The following CCDC30 variants were observed in gnomAD, a reference collection of about 807,000 sequenced individuals.
The protein encoded by CCDC30 is coiled-coil domain containing 30.
CCDC30 carries 70 observed loss-of-function variants against 100.2 expected under a neutral mutation model. That is an observed-to-expected ratio of 0.70 (90% CI 0.58 to 0.85). The LOEUF is 0.85. Ranked by LOEUF, CCDC30 falls within the 40% of genes least tolerant of loss-of-function variation. The pLI, the probability that CCDC30 is intolerant of heterozygous loss-of-function variation, is 0.00. For synonymous variants in CCDC30, 233 were observed against 269.5 expected (o/e 0.86, Z 1.33); for missense variants, 652 against 771.2 (o/e 0.85, Z 1.83).
intron 11 of CCDC30, among the ~76,000 whole-genome samples, chr1:42,634,419 C>G (rs924442408): frequency 6.6e-6 from 1 of 152,068 alleles, no homozygotes; most frequent in Non-Finnish European, 1.5e-5. Context: ...CACATTATAG[C>G]CTTCCACAGC....
At chr1:42,537,693 G>A (rs1644931331) in intron 6 of CCDC30, 1 of 175,718 alleles carries the variant, frequency 5.7e-6, no homozygotes, top group African/African-American at 2.4e-5. Context: ...ATTTAGGTTG[G>A]GCACGGTGGC....
chr1:42,529,308 C>A (rs1009866052), intron 6 of CCDC30, among the ~76,000 whole-genome samples: 7 of 152,072 alleles, frequency 4.6e-5, no homozygotes, highest in Non-Finnish European at 8.8e-5. Flanking sequence ...TACAAAAATA[C>A]TAAAAATACA....
chr1:42,535,728 A>ATATATATATTATATATATAT (rs1177599266), intron 6 of CCDC30, among the ~76,000 whole-genome samples: 100 of 109,510 alleles, frequency 9.1e-4, no homozygotes, highest in Non-Finnish European at 1.5e-3. Context: ...TAAATTTTAA[A>ATATATATATTATATATATAT]AAATTAAAAA....
chr1:42,528,935 A>G (rs1328535355), intron 6 of CCDC30, among the ~76,000 whole-genome samples: 2 of 152,230 alleles, frequency 1.3e-5, no homozygotes, highest in Admixed American at 6.5e-5. Context: ...AACGTTTAAC[A>G]TTAAGTACCA....
Position 42,596,860 on chromosome 1 carries a change from G to A in CCDC30, c.1164+7377G>A, listed in dbSNP as rs1269261453. 6.6e-6 allele frequency among the ~76,000 whole-genome samples: 1 copy of A among 152,144 alleles called. No homozygotes were observed. Among genetic ancestry groups the A allele is most frequent in the Non-Finnish European group, 1.5e-5 (1 of 68,042 alleles). On this transcript the variant is annotated intron_variant, in intron 10 of 16. Transcript: ENST00000668663. The surrounding 1 kb of genome is among the most constrained non-coding windows in gnomAD (Gnocchi z 4.3). ...GAAATTGAAAATAACTGTGATTAAT[G>A]TGCTAAGGGCTCTAAGGAATAAAGT...
At chr1:42,641,347 A>G (rs11804296) in intron 12 of CCDC30, among the ~76,000 whole-genome samples, 23,624 of 151,538 alleles carry the variant, frequency 0.16, 2,057 homozygotes, top group South Asian at 0.31. Flanking sequence ...CAGAGTGCTG[A>G]GATTACAGGT....
At chr1:42,527,303 A>C (rs185464264) in intron 6 of CCDC30, among the ~76,000 whole-genome samples, 56 of 152,326 alleles carry the variant, frequency 3.7e-4, no homozygotes, top group Admixed American at 7.2e-4. Flanking sequence ...TTTGTAACAC[A>C]GAAAGATGTG....
chr1:42,612,552 T>C (rs919290355), intron 11 of CCDC30, among the ~76,000 whole-genome samples: 3 of 152,196 alleles, frequency 2.0e-5, no homozygotes, highest in Non-Finnish European at 4.4e-5. Context: ...ACTTTTTATA[T>C]TCTGTTGTTC....
At chr1:42,648,552 C>T (rs1648076288) in intron 15 of CCDC30, among the ~76,000 whole-genome samples, 1 of 152,060 alleles carries the variant, frequency 6.6e-6, no homozygotes. Context: ...CACCTGTAAT[C>T]CCAGCTACTT....
Position 42,596,455 on chromosome 1 carries a change from G to A in CCDC30, c.1164+6972G>A, listed in dbSNP as rs1646289301. ...GTTGGGGTTTTGTCAGAGTCTAACA[G>A]ACCTAGCGGAATAGAAATATCCAAC... is the stretch of plus-strand genomic sequence containing the variant. On this transcript the variant is annotated intron_variant, in intron 10 of 16. Coordinates refer to ENST00000668663, the Ensembl canonical transcript of CCDC30. This position sits in a 1 kb window ranked among gnomAD's most constrained non-coding sequence, Gnocchi z 4.3. 6.6e-6 allele frequency among the ~76,000 whole-genome samples: 1 copy of A among 151,982 alleles called. No homozygotes were observed. Among genetic ancestry groups the A allele is most frequent in the African/African-American group, 2.4e-5 (1 of 41,372 alleles).
At chr1:42,520,097 G>C (rs1488340194) in intron 6 of CCDC30, among the ~76,000 whole-genome samples, 2 of 151,684 alleles carry the variant, frequency 1.3e-5, no homozygotes, top group Admixed American at 1.3e-4. Context: ...TTTCATTTCT[G>C]TCTTTCATTT....
At chr1:42,647,003 G>A (rs1647940866) in intron 15 of CCDC30, among the ~76,000 whole-genome samples, 1 of 152,142 alleles carries the variant, frequency 6.6e-6, no homozygotes, top group African/African-American at 2.4e-5. Context: ...AGGAGGCTGA[G>A]GAAGGAGAAT....
intron 10 of CCDC30, chr1:42,590,516 G>A (rs987846597): frequency 6.6e-6 from 1 of 152,410 alleles, no homozygotes; most frequent in African/African-American, 2.4e-5. Flanking sequence ...TGAGGTAGGA[G>A]GATTGCTTGA....
At chr1:42,522,536 G>C (rs1398412248) in intron 6 of CCDC30, among the ~76,000 whole-genome samples, 1 of 152,098 alleles carries the variant, frequency 6.6e-6, no homozygotes, top group African/African-American at 2.4e-5. Context: ...AGGTTAATGT[G>C]AAAGTTACAT....
intron 6 of CCDC30, among the ~76,000 whole-genome samples, chr1:42,515,690 A>G (rs945355135): frequency 6.6e-6 from 1 of 152,214 alleles, no homozygotes; most frequent in Non-Finnish European, 1.5e-5. Flanking sequence ...ATTTTGTTAT[A>G]ATAGTCCAAA....
At chr1:42,492,802 A>C (rs764646058) in intron 4 of CCDC30, among the ~76,000 whole-genome samples, 1 of 152,092 alleles carries the variant, frequency 6.6e-6, no homozygotes, top group Non-Finnish European at 1.5e-5. Context: ...AACTGCCACC[A>C]TGCCCAGCTA....
chr1:42,566,497 T>G (rs1235876038), intron 7 of CCDC30, 22 bp downstream of exon 11: 1 of 1,598,942 alleles, frequency 6.3e-7, no homozygotes, highest in Non-Finnish European at 8.6e-7. Context: ...GGGCAAATGC[T>G]TTATGGAAGG....
At chr1:42,556,248 C>T (rs1432562076) in intron 6 of CCDC30, 16 of 1,613,726 alleles carry the variant, frequency 9.9e-6, no homozygotes, top group Non-Finnish European at 1.4e-5. Flanking sequence ...GAGGAGGGCT[C>T]ACAACAGAAT....
At chr1:42,602,392 C>A (rs1646421485) in intron 10 of CCDC30, among the ~76,000 whole-genome samples, 1 of 151,560 alleles carries the variant, frequency 6.6e-6, no homozygotes, top group African/African-American at 2.4e-5. Flanking sequence ...AGGCCTCTAG[C>A]CAGGCTAACA....
Sources: allele counts gnomAD v4.1 joint callset (sites outside exome capture counted in the v4.1 genomes callset), GRCh38; gene constraint gnomAD v4.1.1; non-coding constraint Gnocchi (gnomAD v3.1); transcripts MANE v1.5; gene names NCBI Gene and HGNC (gene_info 2026-07-23, HGNC 2026-07-21).